The following ARHGAP24 variants were observed in gnomAD, a reference collection of about 807,000 sequenced individuals.
The protein encoded by ARHGAP24 is Rho GTPase activating protein 24, also known as rho GTPase-activating protein 24.
ARHGAP24 carries 50 observed loss-of-function variants against 76.4 expected under a neutral mutation model. The ratio of observed to expected loss-of-function variants is 0.65; its 90% confidence interval spans 0.52 to 0.83. ARHGAP24 has a LOEUF of 0.83. Ranked by LOEUF, ARHGAP24 falls within the 40% of genes least tolerant of loss-of-function variation. The probability of loss-of-function intolerance (pLI) is 0.00; values close to 1 mark genes in which losing one functional copy is unlikely to be tolerated. For synonymous variants in ARHGAP24, 345 were observed against 323.3 expected, an observed-to-expected ratio of 1.07 and a Z score of -0.72; for missense variants, 930 against 914.2, an observed-to-expected ratio of 1.02 and a Z score of -0.22.
At chr4:85,888,800 A>G (rs916439928) in intron 3 of ARHGAP24, among the ~76,000 whole-genome samples, 2 of 151,958 alleles carry the variant, frequency 1.3e-5, no homozygotes, top group African/African-American at 4.8e-5. Flanking sequence ...AATAGACCCC[A>G]GTGTGTGTTG....
chr4:85,779,012 G>T (rs1360072516), intron 3 of ARHGAP24: 1 of 984,744 alleles, frequency 1.0e-6, no homozygotes, highest in African/African-American at 1.7e-5. Flanking sequence ...TTGTTTTGGG[G>T]ACAAGTATTT....
chr4:85,570,493 A>G (rs1578044836), intron 1 of ARHGAP24, 29 bp from the exon 2 acceptor site: 2 of 1,583,566 alleles, frequency 1.3e-6, no homozygotes, highest in African/African-American at 2.8e-5. Flanking sequence ...GCACCTCATT[A>G]TTTTCCTTTC....
At chr4:85,856,185 T>C (rs1731547236) in intron 3 of ARHGAP24, among the ~76,000 whole-genome samples, 1 of 152,146 alleles carries the variant, frequency 6.6e-6, no homozygotes, top group Admixed American at 6.5e-5. Flanking sequence ...TTCATTGTGG[T>C]TTGAATTCAC....
chr4:85,527,406 G>A (rs929782987), intron 1 of ARHGAP24, among the ~76,000 whole-genome samples: 42 of 152,102 alleles, frequency 2.8e-4, no homozygotes, highest in African/African-American at 8.9e-4. Flanking sequence ...CAGAAGATAG[G>A]CATGCATATT....
At chr4:85,948,624 G>C (rs1262000945) in intron 5 of ARHGAP24, among the ~76,000 whole-genome samples, 4 of 152,132 alleles carry the variant, frequency 2.6e-5, no homozygotes, top group Admixed American at 2.6e-4. Context: ...TATGAAATGT[G>C]ACCTTATTAT....
chr4:85,608,104 A>G (rs1720263860), intron 2 of ARHGAP24, among the ~76,000 whole-genome samples: 1 of 152,124 alleles, frequency 6.6e-6, no homozygotes, highest in Non-Finnish European at 1.5e-5. Context: ...ATAAATTCTA[A>G]TATGTTGTTT....
intron 2 of ARHGAP24, among the ~76,000 whole-genome samples, chr4:85,580,724 G>C (rs537123469): frequency 6.6e-6 from 1 of 152,234 alleles, no homozygotes; most frequent in East Asian, 1.9e-4. Flanking sequence ...TATCTTCCTT[G>C]ACTCAAGGGA....
chr4:85,754,695 C>A (rs1462949300), intron 3 of ARHGAP24, among the ~76,000 whole-genome samples: 33 of 152,148 alleles, frequency 2.2e-4, no homozygotes, highest in Admixed American at 2.2e-3. Context: ...TGGTTCTTGA[C>A]AATTTATAAA....
At chr4:85,970,390 T>C (rs1336024636) in intron 5 of ARHGAP24, among the ~76,000 whole-genome samples, 1 of 152,194 alleles carries the variant, frequency 6.6e-6, no homozygotes, top group Non-Finnish European at 1.5e-5. Context: ...ACTCACCTTA[T>C]TTTGTAATCA....
At chr4:85,670,159 A>C (rs1722775022) in intron 2 of ARHGAP24, among the ~76,000 whole-genome samples, 3 of 152,190 alleles carry the variant, frequency 2.0e-5, no homozygotes. Context: ...GTTTGGCTGC[A>C]TAAATAAGCT....
intron 4 of ARHGAP24, among the ~76,000 whole-genome samples, chr4:85,936,975 G>A (rs1255306646): frequency 3.3e-5 from 5 of 152,190 alleles, no homozygotes; most frequent in African/African-American, 1.2e-4. Flanking sequence ...TTGACTGAAT[G>A]GAAGATGAAG....
chr4:85,498,190 TC>T (rs1723655088), intron 1 of ARHGAP24, among the ~76,000 whole-genome samples: 1 of 152,206 alleles, frequency 6.6e-6, no homozygotes, highest in Non-Finnish European at 1.5e-5. Flanking sequence ...GTGACTAATA[TC>T]TTGAATCTCA....
At chr4:85,995,681 A>T in intron 9 of ARHGAP24, 24 bp downstream of exon 9, 2 of 1,608,862 alleles carry the variant, frequency 1.2e-6, no homozygotes, top group Non-Finnish European at 1.7e-6. Context: ...GGAGGTCGTA[A>T]CTACCAGAGA....
At chr4:85,557,402 G>A (rs1023990072) in intron 1 of ARHGAP24, among the ~76,000 whole-genome samples, 15 of 152,212 alleles carry the variant, frequency 9.9e-5, no homozygotes, top group African/African-American at 3.1e-4. Context: ...AGACTCCCAC[G>A]TAGTTCTCTG....
intron 2 of ARHGAP24, among the ~76,000 whole-genome samples, chr4:85,696,004 G>A (rs61412902): frequency 6.6e-6 from 1 of 152,034 alleles, no homozygotes; most frequent in African/African-American, 2.4e-5. Context: ...TCTATGTTTA[G>A]CCATACACAG....
At chr4:85,688,035 A>T (rs1235015269) in intron 2 of ARHGAP24, among the ~76,000 whole-genome samples, 1 of 151,770 alleles carries the variant, frequency 6.6e-6, no homozygotes, top group Non-Finnish European at 1.5e-5. Context: ...CTGATCTCGA[A>T]CTCCTGACCT....
chr4:85,754,237 A>G (rs1726385004), intron 3 of ARHGAP24, among the ~76,000 whole-genome samples: 1 of 152,222 alleles, frequency 6.6e-6, no homozygotes, highest in Non-Finnish European at 1.5e-5. Context: ...AGTTCCATCC[A>G]TGCTGCTGCA....
chr4:85,856,309 A>G (rs951761610), intron 3 of ARHGAP24, among the ~76,000 whole-genome samples: 1 of 152,156 alleles, frequency 6.6e-6, no homozygotes, highest in African/African-American at 2.4e-5. Context: ...TGGTAAAAAA[A>G]AATTATGTAT....
intron 3 of ARHGAP24, among the ~76,000 whole-genome samples, chr4:85,736,772 T>G (rs1193371683): frequency 6.6e-6 from 1 of 152,194 alleles, no homozygotes; most frequent in African/African-American, 2.4e-5. Context: ...ATCCACTTCC[T>G]CAACAGTTAA....
Sources: gnomAD v4.1 joint callset for allele counts (sites outside exome capture counted in the v4.1 genomes callset) on GRCh38, gnomAD v4.1.1 for gene constraint, MANE v1.5 for transcripts, NCBI Gene and HGNC (gene_info 2026-07-23, HGNC 2026-07-21) for gene names.